The following POU6F2 variants were observed in gnomAD, a reference collection of about 807,000 sequenced individuals.
POU6F2 encodes the protein POU class 6 homeobox 2.
Under a neutral mutation model 71.3 loss-of-function variants are expected in POU6F2, and 31 were observed. The ratio of observed to expected loss-of-function variants is 0.43; its 90% confidence interval spans 0.33 to 0.59. The LOEUF is 0.59. POU6F2 is among the 20% of genes least tolerant of loss of function. POU6F2 has a pLI of 0.04. For missense variants in POU6F2, 783 were observed against 856.8 expected (o/e 0.91, Z 1.07); for synonymous variants, 347 against 355.7 (o/e 0.98, Z 0.27).
intron 1 of POU6F2, among the ~76,000 whole-genome samples, chr7:39,079,180 CTTTTTTTTTTTT>C (rs1162865518): frequency 1.6e-4 from 13 of 79,308 alleles, no homozygotes; most frequent in East Asian, 3.6e-4. Context: ...CTCACAATAT[CTTTTTTTTTTTT>C]TTTTTTTTTT....
intron 2 of POU6F2, among the ~76,000 whole-genome samples, chr7:39,133,708 G>A (rs1283370931): frequency 6.6e-6 from 1 of 151,966 alleles, no homozygotes; most frequent in Admixed American, 6.5e-5. Context: ...CTACCCAGGG[G>A]CACAGCCACA....
chr7:39,241,862 T>C (rs1406640371), intron 4 of POU6F2, among the ~76,000 whole-genome samples: 1 of 152,136 alleles, frequency 6.6e-6, no homozygotes. Flanking sequence ...GACAAATTCC[T>C]CAAATATTTT....
chr7:38,986,115 C>G (rs935914993), intron 1 of POU6F2, among the ~76,000 whole-genome samples: 1 of 152,210 alleles, frequency 6.6e-6, no homozygotes, highest in African/African-American at 2.4e-5. Context: ...CTCTAATAAT[C>G]TAAAAATATT....
chr7:39,214,274 T>G (rs1243097468), intron 4 of POU6F2, among the ~76,000 whole-genome samples: 1 of 152,200 alleles, frequency 6.6e-6, no homozygotes, highest in Non-Finnish European at 1.5e-5. Context: ...TTGCACAGGC[T>G]GTTCCCTCTG....
chr7:39,458,827 GC>G (rs1357608008), intron 8 of POU6F2, among the ~76,000 whole-genome samples: 3 of 152,042 alleles, frequency 2.0e-5, no homozygotes, highest in Non-Finnish European at 4.4e-5. Context: ...TCCCTACGGT[GC>G]CCTGCTCCTC....
intron 4 of POU6F2, among the ~76,000 whole-genome samples, chr7:39,280,378 T>G (rs1283928107): frequency 6.6e-6 from 1 of 152,186 alleles, no homozygotes; most frequent in Non-Finnish European, 1.5e-5. Context: ...GCTGCTTCCT[T>G]TCCCTCCTTC....
chr7:39,315,855 A>T (rs1423204540), intron 4 of POU6F2, among the ~76,000 whole-genome samples: 1 of 152,192 alleles, frequency 6.6e-6, no homozygotes, highest in Non-Finnish European at 1.5e-5. Flanking sequence ...GGAGTGACGA[A>T]TTTTTTCTAA....
intron 4 of POU6F2, among the ~76,000 whole-genome samples, chr7:39,249,663 G>T (rs1442708533): frequency 6.6e-6 from 1 of 152,172 alleles, no homozygotes; most frequent in African/African-American, 2.4e-5. Context: ...TTGTAATAGT[G>T]TAATTGCCTT....
chr7:39,350,680 C>A (rs1407006590), intron 5 of POU6F2, among the ~76,000 whole-genome samples: 1 of 152,208 alleles, frequency 6.6e-6, no homozygotes, highest in Non-Finnish European at 1.5e-5. Context: ...ATCTTCAAGG[C>A]ACAGCCTACA....
intron 4 of POU6F2, among the ~76,000 whole-genome samples, chr7:39,260,386 C>T (rs1055510397): frequency 6.6e-6 from 1 of 150,846 alleles, no homozygotes; most frequent in African/African-American, 2.4e-5. Flanking sequence ...CCATACCTTG[C>T]TCACACCACA....
At chr7:39,122,864 T>C (rs935242280) in intron 2 of POU6F2, among the ~76,000 whole-genome samples, 2 of 151,982 alleles carry the variant, frequency 1.3e-5, no homozygotes, top group African/African-American at 4.8e-5. Context: ...CATGCCACCA[T>C]GCCCAGCTAA....
chr7:38,980,817 G>A (rs74443990), intron 1 of POU6F2, among the ~76,000 whole-genome samples: 2,431 of 152,160 alleles, frequency 0.016, 21 homozygotes, highest in Non-Finnish European at 0.025. Context: ...TGAGCTTTAG[G>A]TTTTTTCATT....
At chr7:39,266,170 A>G (rs1784235959) in intron 4 of POU6F2, among the ~76,000 whole-genome samples, 1 of 152,166 alleles carries the variant, frequency 6.6e-6, no homozygotes, top group Non-Finnish European at 1.5e-5. Context: ...ACCATCAGGG[A>G]AGTTCCCTTG....
At chr7:39,314,933 C>A (rs1421389988) in intron 4 of POU6F2, among the ~76,000 whole-genome samples, 1 of 151,922 alleles carries the variant, frequency 6.6e-6, no homozygotes, top group Non-Finnish European at 1.5e-5. Context: ...CAGTAAAGAA[C>A]TTCTGAAAGA....
At chr7:39,278,367 G>A (rs1182196882) in intron 4 of POU6F2, among the ~76,000 whole-genome samples, 1 of 152,056 alleles carries the variant, frequency 6.6e-6, no homozygotes, top group African/African-American at 2.4e-5. Context: ...TGGTGTTGGG[G>A]GTAAGGGGAG....
At chr7:39,167,571 A>C (rs1793139550) in intron 2 of POU6F2, among the ~76,000 whole-genome samples, 1 of 152,134 alleles carries the variant, frequency 6.6e-6, no homozygotes, top group South Asian at 2.1e-4. Flanking sequence ...CTTTCACTTA[A>C]GTCGGTACTA....
intron 4 of POU6F2, among the ~76,000 whole-genome samples, chr7:39,338,639 T>G (rs1281839350): frequency 6.6e-6 from 1 of 152,234 alleles, no homozygotes; most frequent in Non-Finnish European, 1.5e-5. Context: ...GGTTTGACAT[T>G]GATCCTTATA....
intron 2 of POU6F2, among the ~76,000 whole-genome samples, chr7:39,094,041 A>G (rs905318792): frequency 6.6e-6 from 1 of 152,130 alleles, no homozygotes. Context: ...ATTCAAATGT[A>G]CTTCTCCTGT....
chr7:39,159,694 TAATA>T (rs1792950334), intron 2 of POU6F2, among the ~76,000 whole-genome samples: 1 of 151,522 alleles, frequency 6.6e-6, no homozygotes, highest in African/African-American at 2.4e-5. Context: ...AAAAAGATGA[TAATA>T]GATAGTAACA....
Sources: allele counts gnomAD v4.1 joint callset (sites outside exome capture counted in the v4.1 genomes callset), GRCh38; gene constraint gnomAD v4.1.1; transcripts MANE v1.5; gene names NCBI Gene and HGNC (gene_info 2026-07-23, HGNC 2026-07-21).